BCAS3: variants seen among roughly 807,000 people sequenced by gnomAD.
The protein encoded by BCAS3 is BCAS3 microtubule associated cell migration factor, also known as BCAS4/BCAS3 fusion.
Under a neutral mutation model 116.1 loss-of-function variants are expected in BCAS3, and 53 were observed. The observed-to-expected ratio is 0.46, with a 90% CI of 0.37 to 0.57. The LOEUF (loss-of-function observed/expected upper bound fraction) is 0.57, where lower values mean the gene tolerates loss of function less well. BCAS3 is among the 20% of genes least tolerant of loss of function. The pLI is 0.00. For synonymous variants in BCAS3, 391 were observed against 408.2 expected (o/e 0.96, Z 0.51); for missense variants, 917 against 1,165.4 (o/e 0.79, Z 3.10).
intron 23 of BCAS3, among the ~76,000 whole-genome samples, chr17:61,386,773 GT>G (rs59596790): frequency 7.0e-6 from 1 of 143,252 alleles, no homozygotes; most frequent in Non-Finnish European, 1.5e-5. Context: ...TTTCCTTACT[GT>G]TTTTTTTTGT....
intron 22 of BCAS3, among the ~76,000 whole-genome samples, chr17:61,234,538 C>G (rs2082877960): frequency 6.6e-6 from 1 of 152,202 alleles, no homozygotes; most frequent in Non-Finnish European, 1.5e-5. Context: ...ACCTCCCTCC[C>G]AGGGAGAGGA....
intron 7 of BCAS3, among the ~76,000 whole-genome samples, chr17:60,861,566 T>G (rs1306364791): frequency 1.2e-4 from 19 of 152,192 alleles, no homozygotes; most frequent in Non-Finnish European, 2.9e-5. Flanking sequence ...TTTGTCTTGT[T>G]CTGGTTCTCA....
At chr17:60,751,542 C>CTTT (rs535708879) in intron 6 of BCAS3, among the ~76,000 whole-genome samples, 1 of 20,044 alleles carries the variant, frequency 5.0e-5, no homozygotes, top group African/African-American at 5.4e-5. Flanking sequence ...TTTTCTTTTT[C>CTTT]TTTTTTTTTT....
In BCAS3 at chr17:60,956,601, G is replaced by A. The variant is rs940367988; in HGVS notation, c.1221+9249G>A. On this transcript the variant is annotated intron_variant, in intron 14 of 23. Coordinates refer to ENST00000407086, the MANE Select transcript of BCAS3 (RefSeq NM_017679.5). This position sits in a 1 kb window ranked among gnomAD's most constrained non-coding sequence, Gnocchi z 4.2. ...AATAGAAATTTTGCTTAAGCTTCTT[G>A]GCATCTCTCATGCATAGAATGGAGC... is the stretch of plus-strand genomic sequence containing the variant. Among the ~76,000 whole-genome samples, 1 of 152,078 alleles carries A rather than the reference G, an allele frequency of 6.6e-6. No individual in the cohort carries two copies. The highest frequency in any genetic ancestry group is 6.5e-5 in the Admixed American group (1 of 15,268).
chr17:60,727,761 A>G (rs1233556959), intron 5 of BCAS3, among the ~76,000 whole-genome samples: 1 of 151,722 alleles, frequency 6.6e-6, no homozygotes, highest in Non-Finnish European at 1.5e-5. Context: ...ATTGTTACCC[A>G]CAGTCCATAG....
rs182015021 is a variant in BCAS3, at chr17:61,211,199, G to T, written c.2425+126635G>T. 6.6e-6 allele frequency among the ~76,000 whole-genome samples: 1 copy of T among 152,332 alleles called. No individual in the cohort carries two copies. Among genetic ancestry groups the T allele is most frequent in the Admixed American group, 6.5e-5 (1 of 15,302 alleles). Reference sequence around the variant, plus strand: ...CCCAAAAAAGGTTGGAACCACCTCTGCTTCCCTTTCCCCACTCTGTAATCA... The same window carrying T: ...CCCAAAAAAGGTTGGAACCACCTCTTCTTCCCTTTCCCCACTCTGTAATCA... On this transcript the variant is annotated intron_variant, in intron 22 of 23. Transcript: ENST00000407086. The surrounding 1 kb of genome is among the most constrained non-coding windows in gnomAD (Gnocchi z 4.4).
In BCAS3 at chr17:60,709,199, G is replaced by C; in HGVS notation, c.215-20G>C. ...TTATGTCTTTTAAATTTGCTTCTTT[G>C]TTACTTAATTCTAATGCAGATACAT... On this transcript the variant is annotated intron_variant, in intron 4 of 23. Coordinates refer to ENST00000407086, the MANE Select transcript of BCAS3 (RefSeq NM_017679.5). 1.6e-6 allele frequency: 2 copies of C among 1,279,168 alleles called. No individual in the cohort carries two copies. Among genetic ancestry groups the C allele is most frequent in the Non-Finnish European group, 2.2e-6 (2 of 890,090 alleles). The allele number at this position is 1,279,168 out of a possible 1,614,324, so 79.2% of individuals were successfully genotyped here.
At chr17:60,857,501 T>C (rs1320691591) in intron 7 of BCAS3, among the ~76,000 whole-genome samples, 1 of 152,242 alleles carries the variant, frequency 6.6e-6, no homozygotes, top group East Asian at 1.9e-4. Flanking sequence ...GGCACTGTTT[T>C]CTACACCATT....
intron 5 of BCAS3, among the ~76,000 whole-genome samples, chr17:60,714,376 T>G (rs1045743416): frequency 6.6e-6 from 1 of 152,104 alleles, no homozygotes; most frequent in Non-Finnish European, 1.5e-5. Context: ...TTGTTGAGTT[T>G]AATATAACTG....
intron 7 of BCAS3, among the ~76,000 whole-genome samples, chr17:60,837,054 T>C (rs2051430240): frequency 6.6e-6 from 1 of 152,182 alleles, no homozygotes; most frequent in Non-Finnish European, 1.5e-5. Context: ...AAATGGGACC[T>C]GATTATTTCT....
chr17:60,827,250 T>A (rs1294228354), intron 7 of BCAS3, among the ~76,000 whole-genome samples: 1 of 152,246 alleles, frequency 6.6e-6, no homozygotes, highest in Non-Finnish European at 1.5e-5. Flanking sequence ...GATTACATCC[T>A]GATACATGTT....
chr17:61,356,508 T>A lies in BCAS3; in HGVS notation c.2426-11819T>A, dbSNP rs1170707458. On this transcript the variant is annotated intron_variant, in intron 22 of 23. Transcript: ENST00000407086. This position sits in a 1 kb window ranked among gnomAD's most constrained non-coding sequence, Gnocchi z 5.4. The stretch of plus-strand genomic sequence containing the variant: ...AATGTGGAGCCAGTCGAGATTCTCC[T>A]TACTGGGACCTACACTGATGACTGA... Among the ~76,000 whole-genome samples, 1 of 152,028 alleles carries A rather than the reference T, an allele frequency of 6.6e-6. No homozygotes were observed. The highest frequency in any genetic ancestry group is 1.5e-5 in the Non-Finnish European group (1 of 68,000).
rs1207899805 is a variant in BCAS3 at position 61,144,414 on chromosome 17, T to C, written c.2425+59850T>C. Among the ~76,000 whole-genome samples, 1 of 152,238 alleles carries C rather than the reference T, an allele frequency of 6.6e-6. No individual in the cohort carries two copies. Among genetic ancestry groups the C allele is most frequent in the Non-Finnish European group, 1.5e-5 (1 of 68,032 alleles). On this transcript the variant is annotated intron_variant, in intron 22 of 23. Transcript: ENST00000407086. This position sits in a 1 kb window ranked among gnomAD's most constrained non-coding sequence, Gnocchi z 5.0. ...ATCACACAGATGTTTTCTTATGCTA[T>C]ATATAGGAATTAAGCAAGTGTTTCA... is the stretch of plus-strand genomic sequence containing the variant.
Position 61,343,997 on chromosome 17 carries a change from A to G in BCAS3, c.2426-24330A>G, listed in dbSNP as rs1475268197. Among the ~76,000 whole-genome samples the G allele has an allele frequency of 2.0e-5, 3 of 152,134 alleles. No homozygotes were observed. Among genetic ancestry groups the G allele is most frequent in the Non-Finnish European group, 4.4e-5 (3 of 68,016 alleles). On this transcript the variant is annotated intron_variant, in intron 22 of 23. Transcript: ENST00000407086. This position sits in a 1 kb window ranked among gnomAD's most constrained non-coding sequence, Gnocchi z 5.5. ...TGTGGGCTTGGGTAGAGTTGGCCAGATGAAATGTGGTTGGCAAGAAGGTCC... is the reference window on the plus strand; with the variant it reads ...TGTGGGCTTGGGTAGAGTTGGCCAGGTGAAATGTGGTTGGCAAGAAGGTCC...
At position 61,087,947 on chromosome 17, in the gene BCAS3, C is replaced by T. The variant is rs189343841; in HGVS notation, c.2425+3383C>T. 2.0e-5 allele frequency among the ~76,000 whole-genome samples: 3 copies of T among 152,230 alleles called. No homozygotes were observed. Among genetic ancestry groups the T allele is most frequent in the Admixed American group, 6.5e-5 (1 of 15,290 alleles). ...ACTATAATCCTAGCACTTTGGGAGGCCGAAGCGGTGGATCACTTGAGGTCA... is the reference window on the plus strand; with the variant it reads ...ACTATAATCCTAGCACTTTGGGAGGTCGAAGCGGTGGATCACTTGAGGTCA... On this transcript the variant is annotated intron_variant, in intron 22 of 23. Coordinates refer to ENST00000407086, the MANE Select transcript of BCAS3 (RefSeq NM_017679.5). This position sits in a 1 kb window ranked among gnomAD's most constrained non-coding sequence, Gnocchi z 4.6.
chr17:61,376,476 C>A lies in BCAS3; in HGVS notation c.2593+7982C>A, dbSNP rs2059346001. Among the ~76,000 whole-genome samples the A allele has an allele frequency of 6.6e-6, 1 of 152,218 alleles. No homozygotes were observed. Among genetic ancestry groups the A allele is most frequent in the Non-Finnish European group, 1.5e-5 (1 of 68,046 alleles). ...CAAACTGGTATTTACCCCAGATACC[C>A]AGGAAGGGTTAGTCTTTCGGCCTCC... is the stretch of plus-strand genomic sequence containing the variant. On this transcript the variant is annotated intron_variant, in intron 23 of 23. Coordinates refer to ENST00000407086, the MANE Select transcript of BCAS3 (RefSeq NM_017679.5). The surrounding 1 kb of genome is among the most constrained non-coding windows in gnomAD (Gnocchi z 4.5).
chr17:60,956,392 G>T lies in BCAS3; in HGVS notation c.1221+9040G>T, dbSNP rs1036106937. ...TCTAGAGTTAATATTTCACTGTGCT[G>T]CTGGGCACATTTTATTTCTTACCTC... On this transcript the variant is annotated intron_variant, in intron 14 of 23. Coordinates refer to ENST00000407086, the MANE Select transcript of BCAS3 (RefSeq NM_017679.5). This position sits in a 1 kb window ranked among gnomAD's most constrained non-coding sequence, Gnocchi z 4.2. 1.3e-5 allele frequency among the ~76,000 whole-genome samples: 2 copies of T among 152,156 alleles called. No individual in the cohort carries two copies. Among genetic ancestry groups the T allele is most frequent in the Non-Finnish European group, 2.9e-5 (2 of 68,028 alleles).
intron 6 of BCAS3, among the ~76,000 whole-genome samples, chr17:60,788,156 A>G (rs1471636711): frequency 6.6e-6 from 1 of 152,190 alleles, no homozygotes; most frequent in Non-Finnish European, 1.5e-5. Flanking sequence ...GCCTTTATCA[A>G]TAATTTTGTT....
rs2063464614 is a variant in BCAS3 at position 60,990,606 on chromosome 17, G to T, written c.1486+371G>T. Reference sequence around the variant, plus strand: ...ATTAAGAAATATTCATTGTTGGAAAGAAATAGTCATGGGTAATGTGTATTT... The same window carrying T: ...ATTAAGAAATATTCATTGTTGGAAATAAATAGTCATGGGTAATGTGTATTT... On this transcript the variant is annotated intron_variant, in intron 15 of 23. Coordinates refer to ENST00000407086, the MANE Select transcript of BCAS3 (RefSeq NM_017679.5). This position sits in a 1 kb window ranked among gnomAD's most constrained non-coding sequence, Gnocchi z 5.1. 6.6e-6 allele frequency among the ~76,000 whole-genome samples: 1 copy of T among 151,284 alleles called. No homozygotes were observed. The highest frequency in any genetic ancestry group is 2.4e-5 in the African/African-American group (1 of 41,230).
Sources: gnomAD v4.1 joint callset for allele counts (sites outside exome capture counted in the v4.1 genomes callset) on GRCh38, gnomAD v4.1.1 for gene constraint, Gnocchi (gnomAD v3.1) non-coding constraint, MANE v1.5 for transcripts, NCBI Gene and HGNC (gene_info 2026-07-23, HGNC 2026-07-21) for gene names.